The following INPP5A variants were observed in gnomAD, a reference collection of about 807,000 sequenced individuals.
INPP5A encodes the protein inositol polyphosphate-5-phosphatase A, also known as 43 kDa inositol polyphosphate 5-phophatase.
INPP5A carries 14 observed loss-of-function variants against 65.2 expected under a neutral mutation model. That is an observed-to-expected ratio of 0.21 (90% CI 0.14 to 0.34). The LOEUF (loss-of-function observed/expected upper bound fraction) is 0.34. INPP5A is among the 10% of genes least tolerant of loss of function. The pLI is 1.00. For missense variants in INPP5A, 431 were observed against 545.6 expected, an observed-to-expected ratio of 0.79 and a Z score of 2.09; for synonymous variants, 207 against 208.3, an observed-to-expected ratio of 0.99 and a Z score of 0.05.
chr10:132,563,186 C>T (rs1277300111), intron 1 of INPP5A, among the ~76,000 whole-genome samples: 2 of 152,194 alleles, frequency 1.3e-5, no homozygotes, highest in Non-Finnish European at 1.5e-5. Flanking sequence ...CCACACTTGG[C>T]GGCTGTGAGT....
At chr10:132,771,475 GA>G (rs1319560792) in intron 12 of INPP5A, among the ~76,000 whole-genome samples, 4 of 152,240 alleles carry the variant, frequency 2.6e-5, no homozygotes, top group Non-Finnish European at 4.4e-5. Context: ...TGAAATCAGT[GA>G]ATATCACCTT....
intron 9 of INPP5A, among the ~76,000 whole-genome samples, chr10:132,734,595 C>T (rs1423284515): frequency 1.3e-5 from 2 of 152,208 alleles, no homozygotes; most frequent in Middle Eastern, 3.2e-3. Context: ...CCCATTGGTC[C>T]AGCAAGTGTG....
At chr10:132,689,176 GC>G (rs1845212381) in intron 4 of INPP5A, among the ~76,000 whole-genome samples, 4 of 152,202 alleles carry the variant, frequency 2.6e-5, no homozygotes, top group Non-Finnish European at 5.9e-5. Context: ...GATGCACCAC[GC>G]CCTGTGCTTT....
At chr10:132,649,247 G>T (rs956325426) in intron 3 of INPP5A, among the ~76,000 whole-genome samples, 1 of 152,168 alleles carries the variant, frequency 6.6e-6, no homozygotes, top group South Asian at 2.1e-4. Flanking sequence ...CCCTGTCCTC[G>T]CTTTTCCTTC....
intron 8 of INPP5A, among the ~76,000 whole-genome samples, chr10:132,725,163 A>G (rs1237632922): frequency 1.3e-5 from 2 of 152,268 alleles, no homozygotes; most frequent in African/African-American, 4.8e-5. Context: ...AATCGGGAGA[A>G]AATGCAAATT....
intron 1 of INPP5A, among the ~76,000 whole-genome samples, chr10:132,578,826 G>C (rs2071443913): frequency 6.6e-6 from 1 of 152,062 alleles, no homozygotes; most frequent in African/African-American, 2.4e-5. Context: ...CCAGGGAATG[G>C]CATGGTGGCT....
In INPP5A at chr10:132,650,204, CTGTGGGAGCTTGAGCTCTGCA is replaced by C. The variant is rs2072555620; in HGVS notation, c.219-213_219-193del. 6.6e-6 allele frequency among the ~76,000 whole-genome samples: 1 copy of C among 152,328 alleles called. No homozygotes were observed. The highest frequency in any genetic ancestry group is 1.9e-4 in the East Asian group (1 of 5,172). ...TCACAGGCTGCGTGGAGACCAGAGC[CTGTGGGAGCTTGAGCTCTGCA>C]CATGCTGAGAGCTGAACGTGAGGCC... On this transcript the variant is annotated intron_variant, in intron 3 of 15. Transcript: ENST00000368594. This position sits in a 1 kb window ranked among gnomAD's most constrained non-coding sequence, Gnocchi z 5.5.
chr10:132,721,717 G>C (rs1407162676), intron 8 of INPP5A, among the ~76,000 whole-genome samples: 8 of 143,566 alleles, frequency 5.6e-5, no homozygotes, highest in Non-Finnish European at 8.8e-5. Context: ...GTTCTGTCTG[G>C]GCGCCTTAGA....
chr10:132,713,727 C>T (rs538770889), intron 8 of INPP5A, among the ~76,000 whole-genome samples: 1 of 152,294 alleles, frequency 6.6e-6, no homozygotes, highest in East Asian at 1.9e-4. Flanking sequence ...CAGCCCTGTG[C>T]ACGGCCACAC....
chr10:132,571,978 C>T (rs138085911), intron 1 of INPP5A, among the ~76,000 whole-genome samples: 21 of 152,354 alleles, frequency 1.4e-4, no homozygotes, highest in Non-Finnish European at 2.8e-4. Context: ...GCCCCTCTGT[C>T]TCACTGTTTC....
chr10:132,625,111 C>T (rs1043399266), intron 2 of INPP5A, among the ~76,000 whole-genome samples: 5 of 121,130 alleles, frequency 4.1e-5, no homozygotes, highest in Non-Finnish European at 8.5e-5. Context: ...CTCTCTCCCT[C>T]CCCCCTCCCC....
At chr10:132,574,511 G>C (rs1040395589) in intron 1 of INPP5A, among the ~76,000 whole-genome samples, 4 of 151,964 alleles carry the variant, frequency 2.6e-5, no homozygotes, top group African/African-American at 9.7e-5. Flanking sequence ...TGTACCTGCT[G>C]TGTGAGGGCC....
At chr10:132,726,976 G>T in intron 9 of INPP5A, 71 bp downstream of exon 9, 1 of 1,104,904 alleles carries the variant, frequency 9.1e-7, no homozygotes, top group Non-Finnish European at 1.3e-6. Flanking sequence ...TGGAAGGAGC[G>T]TGGCCCCTTA....
rs2070866512 is a variant in INPP5A at position 132,538,260 on chromosome 10, C to T, written c.75+89C>T. On this transcript the variant is annotated intron_variant, in intron 1 of 15. Transcript: ENST00000368594. The surrounding 1 kb of genome is among the most constrained non-coding windows in gnomAD (Gnocchi z 4.1). ...CGAACTGCAAGCCTTGGACCCTGGA[C>T]CGTGAACCTCCAGACCCAGAGGCCC... 2 of 706,480 alleles carry T rather than the reference C, an allele frequency of 2.8e-6. No individual in the cohort carries two copies. Among genetic ancestry groups the T allele is most frequent in the African/African-American group, 1.9e-5 (1 of 52,480 alleles). 43.8% of individuals were successfully genotyped at this position (706,480 alleles called of 1,614,324 possible).
chr10:132,730,376 T>G (rs1446453434), intron 9 of INPP5A, among the ~76,000 whole-genome samples: 2 of 152,192 alleles, frequency 1.3e-5, no homozygotes, highest in Non-Finnish European at 2.9e-5. Context: ...CCGGGTGGGC[T>G]GGTGGACGTG....
At chr10:132,609,787 G>A (rs1185591254) in intron 2 of INPP5A, among the ~76,000 whole-genome samples, 2 of 152,088 alleles carry the variant, frequency 1.3e-5, no homozygotes, top group Non-Finnish European at 2.9e-5. Context: ...TGGGATTACA[G>A]GCACCCGCCA....
At chr10:132,765,716 G>C (rs772615768) in intron 11 of INPP5A, 57 bp from the exon 12 acceptor site, 3 of 1,013,474 alleles carry the variant, frequency 3.0e-6, no homozygotes, top group Non-Finnish European at 4.7e-6. Context: ...ACAGACACAC[G>C]TGCCCCCAGC....
At chr10:132,640,118 A>G (rs1460108739) in intron 2 of INPP5A, among the ~76,000 whole-genome samples, 1 of 152,088 alleles carries the variant, frequency 6.6e-6, no homozygotes, top group Non-Finnish European at 1.5e-5. Context: ...AGATTCCGAT[A>G]ACTCAGGGTT....
At chr10:132,670,157 C>T (rs1321162860) in intron 4 of INPP5A, among the ~76,000 whole-genome samples, 6 of 144,638 alleles carry the variant, frequency 4.1e-5, no homozygotes, top group East Asian at 4.1e-4. Context: ...CCTCTGACTG[C>T]GCACTCCCAG....
Sources: allele counts gnomAD v4.1 joint callset (sites outside exome capture counted in the v4.1 genomes callset), GRCh38; gene constraint gnomAD v4.1.1; non-coding constraint Gnocchi (gnomAD v3.1); transcripts MANE v1.5; gene names NCBI Gene and HGNC (gene_info 2026-07-23, HGNC 2026-07-21).